Variants in HIP1 observed in about 807,000 individuals in gnomAD.
HIP1 encodes the protein huntingtin-interacting protein 1.
Under a neutral mutation model 147.6 loss-of-function variants are expected in HIP1, and 65 were observed. That is an observed-to-expected ratio of 0.44 (90% CI 0.36 to 0.54). The LOEUF is 0.54. Among genes scored for constraint, HIP1 ranks in the 20% least tolerant of loss-of-function variants. HIP1 has a pLI of 0.00. For missense variants in HIP1, 1,061 were observed against 1,299.6 expected, an observed-to-expected ratio of 0.82 and a Z score of 2.82; for synonymous variants, 479 against 504.0, an observed-to-expected ratio of 0.95 and a Z score of 0.67.
chr7:75,554,503 A>G lies in HIP1; in HGVS notation c.1987T>C (p.Ser663Pro), dbSNP rs976507218. The G allele has an allele frequency of 6.2e-7, 1 of 1,613,790 alleles. No individual in the cohort carries two copies. The highest frequency in any genetic ancestry group is 8.5e-7 in the Non-Finnish European group (1 of 1,179,836). The change falls in exon 20 of 31, where the codon TCC becomes CCC. Residue 663 changes from serine to proline, a missense_variant. Transcript: ENST00000336926. Reference sequence around the variant, plus strand: ...AGTTGCTCGATGCAGCTGGAAATGGATGTGACCGTGGAGAGGAGGTGATCT... The same window carrying G: ...AGTTGCTCGATGCAGCTGGAAATGGGTGTGACCGTGGAGAGGAGGTGATCT... The part of the protein sequence containing the change: ...SADHLLSTVT[S>P]ISSCIEQLEK...
At chr7:75,540,109 TA>T (rs1454610145) in intron 29 of HIP1, among the ~76,000 whole-genome samples, 1 of 152,236 alleles carries the variant, frequency 6.6e-6, no homozygotes, top group Non-Finnish European at 1.5e-5. Context: ...CTCATTAATG[TA>T]ATTTATTTTA....
In HIP1 at chr7:75,556,187, A is replaced by C; in HGVS notation, c.1684-18T>G. The C allele has an allele frequency of 1.9e-6, 3 of 1,613,192 alleles. No individual in the cohort carries two copies. The highest frequency in any genetic ancestry group is 2.5e-6 in the Non-Finnish European group (3 of 1,179,644). On this transcript the variant is annotated intron_variant, in intron 17 of 30. Transcript: ENST00000336926. The stretch of plus-strand genomic sequence containing the variant: ...GCTTCTGACTGCAAAGGTGACCACA[A>C]GGAAAGAGGGAGACGCTGGTTGAGT...
chr7:75,567,768 T>C (rs1172988732), intron 9 of HIP1, among the ~76,000 whole-genome samples: 1 of 146,468 alleles, frequency 6.8e-6, no homozygotes, highest in Non-Finnish European at 1.5e-5. Flanking sequence ...GCCATTGCCA[T>C]TGCACTCCAG....
chr7:75,726,707 T>C (rs1432212159), intron 1 of HIP1, among the ~76,000 whole-genome samples: 2 of 150,512 alleles, frequency 1.3e-5, no homozygotes, highest in Middle Eastern at 3.2e-3. Context: ...GTTTTTCTTT[T>C]TTTTTTTTTT....
chr7:75,621,887 T>C (rs1054313905), intron 1 of HIP1, among the ~76,000 whole-genome samples: 1 of 152,028 alleles, frequency 6.6e-6, no homozygotes, highest in African/African-American at 2.4e-5. Flanking sequence ...GGGGGACCCA[T>C]GGGAGAGTTG....
chr7:75,593,502 C>T (rs184645638), intron 2 of HIP1, among the ~76,000 whole-genome samples: 123 of 151,824 alleles, frequency 8.1e-4, no homozygotes, highest in African/African-American at 2.7e-3. Flanking sequence ...TGGCGGTGGG[C>T]GCCTGTAATC....
At chr7:75,596,670 G>A (rs1164188717) in intron 2 of HIP1, among the ~76,000 whole-genome samples, 1 of 152,192 alleles carries the variant, frequency 6.6e-6, no homozygotes, top group East Asian at 1.9e-4. Context: ...ATAGGCATGA[G>A]CCACCACACC....
At chr7:75,633,571 C>A (rs1011269669) in intron 1 of HIP1, among the ~76,000 whole-genome samples, 1 of 152,136 alleles carries the variant, frequency 6.6e-6, no homozygotes, top group African/African-American at 2.4e-5. Flanking sequence ...GGATTACAAG[C>A]GTGAGCCACC....
chr7:75,661,775 G>A lies in HIP1; in HGVS notation c.121-62528C>T, dbSNP rs1392879239. ...CTACAGCAGAGTAACGCAGGCCTAA[G>A]TCCAAATGTGTGCCTTGGAGCCACT... On this transcript the variant is annotated intron_variant, in intron 1 of 30. Coordinates refer to ENST00000336926, the MANE Select transcript of HIP1 (RefSeq NM_005338.7). 2.6e-5 allele frequency among the ~76,000 whole-genome samples: 4 copies of A among 151,856 alleles called. No homozygotes were observed. The East Asian group carries it at 7.8e-4, about 30-fold the overall frequency.
At chr7:75,628,633 C>T (rs900668999) in intron 1 of HIP1, among the ~76,000 whole-genome samples, 4 of 152,156 alleles carry the variant, frequency 2.6e-5, no homozygotes, top group South Asian at 2.1e-4. Flanking sequence ...CACGTGCTGC[C>T]GCACCCGGCT....
At chr7:75,559,651 T>C (rs1795147461) in intron 14 of HIP1, 81 bp downstream of exon 14, 2 of 1,146,648 alleles carry the variant, frequency 1.7e-6, no homozygotes, top group Non-Finnish European at 2.4e-6. Flanking sequence ...ACCCAGCCTC[T>C]GTGCCGCATC....
intron 27 of HIP1, among the ~76,000 whole-genome samples, chr7:75,544,305 C>G (rs1421424100): frequency 6.6e-6 from 1 of 152,156 alleles, no homozygotes; most frequent in Non-Finnish European, 1.5e-5. Flanking sequence ...ATCCCATCAT[C>G]CAAGTACTAT....
chr7:75,605,360 G>A (rs1387921131), intron 1 of HIP1, among the ~76,000 whole-genome samples: 1 of 152,158 alleles, frequency 6.6e-6, no homozygotes, highest in African/African-American at 2.4e-5. Flanking sequence ...CTGAGGGCCG[G>A]GGGGGATGGA....
intron 25 of HIP1, among the ~76,000 whole-genome samples, chr7:75,545,485 T>C (rs587654531): frequency 8.6e-5 from 13 of 151,620 alleles, no homozygotes; most frequent in Middle Eastern, 3.4e-3. Flanking sequence ...CTATTAAAAA[T>C]ACAAAAATTA....
chr7:75,646,120 C>T (rs1405019331), intron 1 of HIP1, among the ~76,000 whole-genome samples: 1 of 152,026 alleles, frequency 6.6e-6, no homozygotes, highest in Non-Finnish European at 1.5e-5. Flanking sequence ...CGCTCTGTTA[C>T]CCAGGCTGGA....
chr7:75,688,859 A>G (rs2117291563), intron 1 of HIP1, among the ~76,000 whole-genome samples: 1 of 152,166 alleles, frequency 6.6e-6, no homozygotes, highest in East Asian at 1.9e-4. Flanking sequence ...CTTCCTACTG[A>G]CCAGCTGACC....
intron 1 of HIP1, among the ~76,000 whole-genome samples, chr7:75,631,949 G>A (rs1798236718): frequency 6.6e-6 from 1 of 152,096 alleles, no homozygotes; most frequent in Non-Finnish European, 1.5e-5. Flanking sequence ...GAGATAGTGT[G>A]ATGGGGGCAG....
In HIP1 at chr7:75,568,656, T is replaced by C. The variant is rs1795500389; in HGVS notation, c.746-400A>G. Among the ~76,000 whole-genome samples, 1 of 152,182 alleles carries C rather than the reference T, an allele frequency of 6.6e-6. No individual in the cohort carries two copies. The highest frequency in any genetic ancestry group is 6.6e-5 in the Admixed American group (1 of 15,264). The stretch of plus-strand genomic sequence containing the variant: ...TTTAGGTTGAGGCTCAGGGCTGATA[T>C]TAGTCTGGAAGAGATCCGCAGAACC... On this transcript the variant is annotated intron_variant, in intron 8 of 30. Coordinates refer to ENST00000336926, the MANE Select transcript of HIP1 (RefSeq NM_005338.7). This position sits in a 1 kb window ranked among gnomAD's most constrained non-coding sequence, Gnocchi z 4.1.
intron 7 of HIP1, among the ~76,000 whole-genome samples, chr7:75,577,609 G>C (rs1055977601): frequency 5.3e-5 from 8 of 152,154 alleles, no homozygotes; most frequent in African/African-American, 1.7e-4. Flanking sequence ...TTATGGTTGA[G>C]GGCCTGCTAT....
Sources: gnomAD v4.1 joint callset for allele counts (sites outside exome capture counted in the v4.1 genomes callset) on GRCh38, gnomAD v4.1.1 for gene constraint, Gnocchi (gnomAD v3.1) non-coding constraint, MANE v1.5 for transcripts, NCBI Gene and HGNC (gene_info 2026-07-23, HGNC 2026-07-21) for gene names.